Variants in TMEM126B observed in about 807,000 individuals in gnomAD.
The protein encoded by TMEM126B is complex I assembly factor TMEM126B, mitochondrial.
In TMEM126B, 19 loss-of-function variants were observed where a neutral mutation model predicts 16.5. The ratio of observed to expected loss-of-function variants is 1.15; its 90% CI spans 0.80 to 1.69. TMEM126B has a LOEUF of 1.69. Among genes scored for constraint, TMEM126B ranks in the 40% most tolerant of loss-of-function variants. TMEM126B has a pLI of 0.00. For synonymous variants in TMEM126B, 104 were observed against 93.2 expected, an observed-to-expected ratio of 1.12 and a Z score of -0.67; for missense variants, 293 against 278.7, an observed-to-expected ratio of 1.05 and a Z score of -0.37.
intron 1 of TMEM126B, 57 bp from the exon 2 acceptor site, chr11:85,631,630 G>A: frequency 6.4e-7 from 1 of 1,550,894 alleles, no homozygotes; most frequent in Non-Finnish European, 8.7e-7. Context: ...AATTCTGTAA[G>A]GTTTTATGTA....
Position 85,634,245 on chromosome 11 carries a change from T to C in TMEM126B, c.363T>C (p.Thr121=). 2 of 1,613,632 alleles carry C rather than the reference T, an allele frequency of 1.2e-6. No individual in the cohort carries two copies. The highest frequency in any genetic ancestry group is 1.7e-6 in the Non-Finnish European group (2 of 1,179,838). The change falls in exon 3 of 5, where the codon ACT becomes ACC. Residue 121 remains threonine (T), a synonymous_variant. Coordinates refer to ENST00000358867, the MANE Select transcript of TMEM126B (RefSeq NM_018480.7). ...TTCCATTTTTGTCTACTGTTGTTACTGACAAGCTTTTTGTAATTGATGCTT... is the reference window on the plus strand; with the variant it reads ...TTCCATTTTTGTCTACTGTTGTTACCGACAAGCTTTTTGTAATTGATGCTT... The part of the protein sequence containing the change: ...ATLPFLSTVV[T]DKLFVIDALY...
chr11:85,635,897 G>A, intron 4 of TMEM126B, 119 bp downstream of exon 4: 2 of 1,049,636 alleles, frequency 1.9e-6, no homozygotes, highest in East Asian at 2.7e-5. Flanking sequence ...ATCAAAATGT[G>A]GTAGTTTGGT....
At chr11:85,634,375 T>G in intron 3 of TMEM126B, 96 bp downstream of exon 3, 1 of 876,230 alleles carries the variant, frequency 1.1e-6, no homozygotes, top group Non-Finnish European at 1.7e-6. Flanking sequence ...ATTCTTTACA[T>G]TTATATATTG....
chr11:85,633,840 T>C (rs1434637436), intron 2 of TMEM126B, among the ~76,000 whole-genome samples: 1 of 152,250 alleles, frequency 6.6e-6, no homozygotes, highest in African/African-American at 2.4e-5. Flanking sequence ...TTAGAATTAC[T>C]GTAAATATTC....
At position 85,635,735 on chromosome 11, in the gene TMEM126B, C is replaced by G; in HGVS notation, c.466C>G (p.Pro156Ala). The change falls in exon 4 of 5, where the codon CCC (proline) becomes GCC (alanine). Residue 156 changes from proline (P) to alanine (A), a missense_variant. By Grantham distance (27) the Pro-to-Ala change is conservative. Coordinates refer to ENST00000358867, the MANE Select transcript of TMEM126B (RefSeq NM_018480.7). ...LIGIVCGVFY[P>A]SSLAFTKNGR... ...TGGCATAGTTTGTGGTGTTTTCTAT[C>G]CCAGTTCTTTGGCTTTTACTAAAAA... 1 of 1,607,652 alleles carries G rather than the reference C, an allele frequency of 6.2e-7. No homozygotes were observed. Among genetic ancestry groups the G allele is most frequent in the Non-Finnish European group, 8.5e-7 (1 of 1,178,378 alleles).
intron 1 of TMEM126B, 42 bp downstream of exon 1, chr11:85,628,730 C>T (rs1425021945): frequency 1.3e-6 from 2 of 1,506,288 alleles, no homozygotes; most frequent in Admixed American, 2.0e-5. Flanking sequence ...GATTTCTGCA[C>T]CTTCAAAGTG....
In TMEM126B at chr11:85,635,686, CTG is replaced by C. The variant is rs747181703; in HGVS notation, c.421_422del (p.Val141PhefsTer22). Reference sequence around the variant, plus strand: ...TTCCAGATAATATAAGCAAGGAAAACTGTGTTTTCAGAAGCTCACTGATTGGC... The same window carrying C: ...TTCCAGATAATATAAGCAAGGAAAACTGTTTTCAGAAGCTCACTGATTGGC... ...LYSDNISKEN[C>X]VFRSSLIGIV... On this transcript the variant is annotated frameshift_variant, in exon 4 of 5. Transcript: ENST00000358867. LOFTEE classifies it high-confidence loss of function. 29 of 1,604,440 alleles carry C rather than the reference CTG, an allele frequency of 1.8e-5. No individual in the cohort carries two copies. The highest frequency in any genetic ancestry group is 2.1e-5 in the Non-Finnish European group (25 of 1,177,794).
intron 3 of TMEM126B, 74 bp from the exon 4 acceptor site, chr11:85,635,593 A>T: frequency 1.0e-6 from 1 of 976,678 alleles, no homozygotes; most frequent in Non-Finnish European, 1.6e-6. Flanking sequence ...GCAGATAACT[A>T]CTCTGTGAGG....
At position 85,628,703 on chromosome 11, in the gene TMEM126B, G is replaced by T. The variant is rs1275235398; in HGVS notation, c.81+15G>T. On this transcript the variant is annotated intron_variant, in intron 1 of 4. Transcript: ENST00000358867. ...AAGCGCCCAAGGTAGGCGGAAATCCGAAGTGGTATGGGGGGTGATTTCTGC... is the reference window on the plus strand; with the variant it reads ...AAGCGCCCAAGGTAGGCGGAAATCCTAAGTGGTATGGGGGGTGATTTCTGC... 3.3e-6 allele frequency: 5 copies of T among 1,526,916 alleles called. No homozygotes were observed. The highest frequency in any genetic ancestry group is 3.5e-6 in the Non-Finnish European group (4 of 1,145,956). The allele number at this position is 1,526,916 out of a possible 1,614,324, so 94.6% of individuals were successfully genotyped here.
intron 2 of TMEM126B, among the ~76,000 whole-genome samples, chr11:85,632,987 G>C (rs1355860536): frequency 6.6e-6 from 1 of 150,734 alleles, no homozygotes; most frequent in Non-Finnish European, 1.5e-5. Context: ...AGAGTGTGAT[G>C]TTCCCCTTCC....
chr11:85,630,006 C>A (rs1212967093), intron 1 of TMEM126B, among the ~76,000 whole-genome samples: 1 of 152,196 alleles, frequency 6.6e-6, no homozygotes, highest in African/African-American at 2.4e-5. Context: ...CTCATACCTT[C>A]TGTATGTTGA....
At chr11:85,631,060 T>G in intron 1 of TMEM126B, 1 of 1,044,380 alleles carries the variant, frequency 9.6e-7, no homozygotes, top group South Asian at 1.3e-5. Context: ...CACTGCCTGT[T>G]CCCTTCCTGG....
chr11:85,631,052 C>A, intron 1 of TMEM126B: 2 of 957,732 alleles, frequency 2.1e-6, no homozygotes, highest in Non-Finnish European at 2.9e-6. Flanking sequence ...CCACAATCCA[C>A]TGCCTGTTCC....
rs1012292898 is a variant in TMEM126B, at chr11:85,632,850, G to A, written c.203+1042G>A. ...AAGTTTTAGGGTACATGTGCACAAT[G>A]TGCAGGTTAGTTACATATGTATACA... On this transcript the variant is annotated intron_variant, in intron 2 of 4. Coordinates refer to ENST00000358867, the MANE Select transcript of TMEM126B (RefSeq NM_018480.7). Among the ~76,000 whole-genome samples the A allele has an allele frequency of 5.9e-5, 9 of 151,806 alleles. No individual in the cohort carries two copies. In the South Asian group the frequency reaches 1.2e-3, roughly 21 times the overall value.
In TMEM126B at chr11:85,629,624, T is replaced by G. The variant is rs373973837; in HGVS notation, c.81+936T>G. Among the ~76,000 whole-genome samples, 11 of 152,186 alleles carry G rather than the reference T, an allele frequency of 7.2e-5. No individual in the cohort carries two copies. In the East Asian group the frequency reaches 1.7e-3, roughly 24 times the overall value. ...GCCTGGAAGTTTGTTTTGTTTTTTG[T>G]TTTTGGTGGAAGGTGGAGGATTTCA... On this transcript the variant is annotated intron_variant, in intron 1 of 4. Coordinates refer to ENST00000358867, the MANE Select transcript of TMEM126B (RefSeq NM_018480.7).
chr11:85,636,411 C>T lies in TMEM126B; in HGVS notation c.*182C>T. On this transcript the variant is annotated 3_prime_UTR_variant, in exon 5 of 5. Transcript: ENST00000358867. ...ATCAATAAATATAAGTTTCATCTTA[C>T]ACGTAAGATACAGGTCTTATCTCCT... The T allele has an allele frequency of 5.0e-6, 2 of 397,666 alleles. No individual in the cohort carries two copies. Among genetic ancestry groups the T allele is most frequent in the Non-Finnish European group, 8.8e-6 (2 of 227,152 alleles). 24.6% of individuals were successfully genotyped at this position (397,666 alleles called of 1,614,324 possible).
At chr11:85,635,821 C>CTTTTTTTTTTTTTTTTTTTT in intron 4 of TMEM126B, 43 bp downstream of exon 4, 5 of 867,430 alleles carry the variant, frequency 5.8e-6, no homozygotes, top group South Asian at 4.4e-5. Flanking sequence ...CTTTTCTTTT[C>CTTTTTTTTTTTTTTTTTTTT]TTTTTTTTTT....
In TMEM126B at chr11:85,636,397, TAA is replaced by T. The variant is rs1350703412; in HGVS notation, c.*169_*170del. 2.3e-6 allele frequency: 1 copy of T among 437,108 alleles called. No homozygotes were observed. The highest frequency in any genetic ancestry group is 3.9e-6 in the Non-Finnish European group (1 of 255,456). The allele number at this position is 437,108 out of a possible 1,614,324, so 27.1% of individuals were successfully genotyped here. A position where few individuals can be genotyped will look rare whatever the true frequency, so the allele number is the denominator to read the frequency against. On this transcript the variant is annotated 3_prime_UTR_variant, in exon 5 of 5. Coordinates refer to ENST00000358867, the MANE Select transcript of TMEM126B (RefSeq NM_018480.7). ...TATTCAATAATTCAATCAATAAATA[TAA>T]GTTTCATCTTACACGTAAGATACAG...
Sources: allele counts gnomAD v4.1 joint callset (sites outside exome capture counted in the v4.1 genomes callset), GRCh38; gene constraint gnomAD v4.1.1; transcripts MANE v1.5; gene names NCBI Gene and HGNC (gene_info 2026-07-23, HGNC 2026-07-21).